PRMT2: variants seen among roughly 807,000 people sequenced by gnomAD.
The protein encoded by PRMT2 is protein arginine N-methyltransferase 2.
Under a neutral mutation model 57.6 loss-of-function variants are expected in PRMT2, and 26 were observed. That is an observed-to-expected ratio of 0.45 (90% CI 0.33 to 0.63). The LOEUF is 0.63. Among genes scored for constraint, PRMT2 ranks in the 20% least tolerant of loss-of-function variants. The probability of loss-of-function intolerance (pLI) is 0.02; values close to 1 mark genes in which losing one functional copy is unlikely to be tolerated. For synonymous variants in PRMT2, 219 were observed against 220.0 expected, an observed-to-expected ratio of 1.00 and a Z score of 0.04; for missense variants, 472 against 564.4, an observed-to-expected ratio of 0.84 and a Z score of 1.66.
intron 3 of PRMT2, among the ~76,000 whole-genome samples, chr21:46,637,837 T>A (rs2148958754): frequency 6.6e-6 from 1 of 152,240 alleles, no homozygotes; most frequent in Middle Eastern, 3.4e-3. Flanking sequence ...TGTCTGTAGT[T>A]CAGCTACTCA....
At chr21:46,639,536 A>G (rs923981452) in intron 3 of PRMT2, among the ~76,000 whole-genome samples, 2 of 151,838 alleles carry the variant, frequency 1.3e-5, no homozygotes, top group African/African-American at 4.8e-5. Context: ...TATATTTAGT[A>G]TAGGTTTTGT....
At chr21:46,638,452 G>T (rs1472589141) in intron 3 of PRMT2, among the ~76,000 whole-genome samples, 1 of 152,190 alleles carries the variant, frequency 6.6e-6, no homozygotes, top group Admixed American at 6.5e-5. Flanking sequence ...AAACAATGCT[G>T]TAGTGACCAT....
At chr21:46,637,174 C>T (rs188290895) in intron 3 of PRMT2, among the ~76,000 whole-genome samples, 184 bp downstream of exon 3, 1 of 152,334 alleles carries the variant, frequency 6.6e-6, no homozygotes, top group African/African-American at 2.4e-5. Flanking sequence ...AGGTGACATC[C>T]TGCATTGGGC....
At chr21:46,661,585 T>C in intron 9 of PRMT2, 1 of 383,762 alleles carries the variant, frequency 2.6e-6, no homozygotes, top group Non-Finnish European at 4.5e-6. Flanking sequence ...GGGTAGAAAA[T>C]TGGGCGCAAG....
At chr21:46,647,875 T>C (rs547144550) in intron 5 of PRMT2, among the ~76,000 whole-genome samples, 52 of 152,330 alleles carry the variant, frequency 3.4e-4, no homozygotes, top group African/African-American at 1.2e-3. Context: ...AGAATTCCTG[T>C]TGTTTCACTG....
intron 5 of PRMT2, among the ~76,000 whole-genome samples, chr21:46,645,438 C>T (rs2061349438): frequency 6.6e-6 from 1 of 152,112 alleles, no homozygotes; most frequent in African/African-American, 2.4e-5. Flanking sequence ...TGCACTCCAG[C>T]CTGGGTGATT....
At chr21:46,644,677 C>T (rs2148972372) in intron 5 of PRMT2, among the ~76,000 whole-genome samples, 189 bp downstream of exon 5, 1 of 152,236 alleles carries the variant, frequency 6.6e-6, no homozygotes, top group African/African-American at 2.4e-5. Context: ...TGTTGTGTTC[C>T]AATAAAACTT....
At chr21:46,639,913 G>C (rs1158658427) in intron 3 of PRMT2, among the ~76,000 whole-genome samples, 1 of 152,008 alleles carries the variant, frequency 6.6e-6, no homozygotes, top group African/African-American at 2.4e-5. Context: ...ACATTTTGCT[G>C]TTTGTTTTAT....
rs1424428908 is a variant in PRMT2 at position 46,636,989 on chromosome 21, A to T, written c.38A>T (p.Gln13Leu). The T allele has an allele frequency of 6.2e-7, 1 of 1,613,798 alleles. No individual in the cohort carries two copies. The highest frequency in any genetic ancestry group is 8.5e-7 in the Non-Finnish European group (1 of 1,179,924). ...TSGDCPRSES[Q>L]GEEPAECSEA... is the part of the protein sequence containing the mutation. The stretch of plus-strand genomic sequence containing the variant: ...GGTGACTGTCCCAGAAGTGAATCGC[A>T]GGTAATTTCCGTTCCACTTCCTAAA... The change falls in exon 3 of 12, where the codon CAG becomes CTG. Residue 13 changes from glutamine (Q) to leucine (L), a missense_variant and splice_region_variant. This residue lies in a region of PRMT2 where 243 missense variants were observed against 347.2 expected (regional missense o/e 0.70). Transcript: ENST00000355680.
At chr21:46,642,489 AAACACC>A (rs2061293607) in intron 3 of PRMT2, among the ~76,000 whole-genome samples, 1 of 152,252 alleles carries the variant, frequency 6.6e-6, no homozygotes, top group Non-Finnish European at 1.5e-5. Context: ...CTGAAAGTAT[AAACACC>A]AATGTGCTGT....
At chr21:46,660,704 G>A in intron 8 of PRMT2, 129 bp from the exon 9 acceptor site, 1 of 1,208,418 alleles carries the variant, frequency 8.3e-7, no homozygotes, top group Non-Finnish European at 1.1e-6. Flanking sequence ...GGGGTTCCAG[G>A]GCCCCAGATA....
intron 10 of PRMT2, among the ~76,000 whole-genome samples, chr21:46,663,132 T>G (rs531551911): frequency 2.7e-4 from 41 of 152,344 alleles, no homozygotes; most frequent in African/African-American, 9.6e-4. Context: ...TGGCAGGATC[T>G]GTCTCACTAG....
chr21:46,658,936 T>C lies in PRMT2; in HGVS notation c.830+16T>C, dbSNP rs763303753. On this transcript the variant is annotated intron_variant, in intron 8 of 11. Coordinates refer to ENST00000355680, the MANE Select transcript of PRMT2 (RefSeq NM_206962.4). ...GCGCTCTGAAGTAAGTGTCCACAGC[T>C]GGGACTGGCACCGTCTTGTGGGGCC... 3.5e-5 allele frequency: 57 copies of C among 1,606,640 alleles called. No homozygotes were observed. The highest frequency in any genetic ancestry group is 1.7e-4 in the Middle Eastern group (1 of 6,042).
At chr21:46,641,514 C>T (rs1298300926) in intron 3 of PRMT2, among the ~76,000 whole-genome samples, 1 of 152,060 alleles carries the variant, frequency 6.6e-6, no homozygotes, top group Non-Finnish European at 1.5e-5. Flanking sequence ...ATGATGAAAC[C>T]CCATCCATTT....
chr21:46,647,136 T>C (rs1478255500), intron 5 of PRMT2, among the ~76,000 whole-genome samples: 1 of 152,242 alleles, frequency 6.6e-6, no homozygotes, highest in Admixed American at 6.5e-5. Context: ...AAAAGGACTT[T>C]GATCTTAAAA....
At chr21:46,659,649 A>G in intron 8 of PRMT2, 2 of 985,470 alleles carry the variant, frequency 2.0e-6, no homozygotes, top group Non-Finnish European at 2.4e-6. Flanking sequence ...ATAGTAGCCC[A>G]GGCTTGCCTG....
At chr21:46,643,179 C>G (rs1601920949) in intron 3 of PRMT2, 1 of 163,042 alleles carries the variant, frequency 6.1e-6, no homozygotes, top group South Asian at 2.0e-4. Flanking sequence ...GCGCTGGGCC[C>G]CTGGCTCTGT....
Position 46,648,723 on chromosome 21 carries a change from C to A in PRMT2, c.489+104C>A. 1 of 1,417,564 alleles carries A rather than the reference C, an allele frequency of 7.1e-7. No individual in the cohort carries two copies. The highest frequency in any genetic ancestry group is 9.7e-7 in the Non-Finnish European group (1 of 1,031,010). The allele number at this position is 1,417,564 out of a possible 1,614,324, so 87.8% of individuals were successfully genotyped here. On this transcript the variant is annotated intron_variant, in intron 6 of 11. Transcript: ENST00000355680. The surrounding 1 kb of genome is among the most constrained non-coding windows in gnomAD (Gnocchi z 4.8). Reference sequence around the variant, plus strand: ...TTGTGACCCTGAGCTGTTGGGGGCTCACCGGTGACTCCATGGTCTTGTTGA... The same window carrying A: ...TTGTGACCCTGAGCTGTTGGGGGCTAACCGGTGACTCCATGGTCTTGTTGA...
At chr21:46,652,128 T>C in intron 7 of PRMT2, 1 of 1,466,728 alleles carries the variant, frequency 6.8e-7, no homozygotes, top group South Asian at 1.4e-5. Flanking sequence ...CTGGAACGAC[T>C]GATTTGGAGA....
Sources: allele counts gnomAD v4.1 joint callset (sites outside exome capture counted in the v4.1 genomes callset), GRCh38; gene constraint gnomAD v4.1.1; regional missense constraint gnomAD v4.1.1; non-coding constraint Gnocchi (gnomAD v3.1); transcripts MANE v1.5; gene names NCBI Gene and HGNC (gene_info 2026-07-23, HGNC 2026-07-21).